The following VAV2 variants were observed in gnomAD, a reference collection of about 807,000 sequenced individuals.
VAV2 encodes guanine nucleotide exchange factor VAV2.
VAV2 carries 67 observed loss-of-function variants against 132.5 expected under a neutral mutation model. The observed-to-expected ratio is 0.51, with a 90% CI of 0.42 to 0.62. VAV2 has a LOEUF of 0.62. VAV2 is among the 20% of genes least tolerant of loss of function. The probability of loss-of-function intolerance (pLI) is 0.00; values close to 1 mark genes in which losing one functional copy is unlikely to be tolerated. For missense variants in VAV2, 938 were observed against 1,153.6 expected (o/e 0.81, Z 2.71); for synonymous variants, 492 against 443.5 (o/e 1.11, Z -1.37).
intron 1 of VAV2, among the ~76,000 whole-genome samples, chr9:133,940,498 G>T (rs2519103): frequency 0.67 from 102,281 of 151,814 alleles, 34,664 homozygotes; most frequent in East Asian, 0.81. Flanking sequence ...GGAGCGGAGG[G>T]TCCCCCAGCC....
chr9:133,815,384 C>G (rs12552000), intron 4 of VAV2, among the ~76,000 whole-genome samples: 1 of 151,856 alleles, frequency 6.6e-6, no homozygotes, highest in African/African-American at 2.4e-5. Context: ...TGACAAGTGG[C>G]TACACCTGTG....
At chr9:133,792,359 ATGTG>A (rs141878473) in intron 12 of VAV2, among the ~76,000 whole-genome samples, 15 of 123,358 alleles carry the variant, frequency 1.2e-4, no homozygotes, top group Non-Finnish European at 2.4e-4. Context: ...GGTGGGGTGC[ATGTG>A]TGTGTGTGTG....
chr9:133,943,643 C>T (rs996137343), intron 1 of VAV2, among the ~76,000 whole-genome samples: 6 of 152,170 alleles, frequency 3.9e-5, no homozygotes, highest in Non-Finnish European at 1.5e-5. Context: ...CCCAGGCTGG[C>T]GGCTATGGGG....
intron 1 of VAV2, among the ~76,000 whole-genome samples, chr9:133,943,214 T>A (rs1841234281): frequency 6.6e-6 from 1 of 152,136 alleles, no homozygotes; most frequent in South Asian, 2.1e-4. Context: ...AGGTCTGTGG[T>A]CGCTCTGGAG....
intron 1 of VAV2, among the ~76,000 whole-genome samples, chr9:133,954,563 TG>T (rs1185427919): frequency 1.1e-4 from 16 of 152,170 alleles, no homozygotes; most frequent in African/African-American, 3.1e-4. Flanking sequence ...CATGGGAGGC[TG>T]GGGGGAGCGG....
intron 27 of VAV2, 101 bp downstream of exon 27, chr9:133,770,277 T>G: frequency 6.4e-7 from 1 of 1,553,450 alleles, no homozygotes; most frequent in South Asian, 1.2e-5. Flanking sequence ...AGGGTGGGAC[T>G]CCTGGTCTGG....
chr9:133,914,810 GA>G (rs60888593), intron 2 of VAV2, among the ~76,000 whole-genome samples: 47 of 129,840 alleles, frequency 3.6e-4, no homozygotes, highest in South Asian at 9.2e-4. Flanking sequence ...GGGGAAGGGA[GA>G]AGGGGAGGGG....
chr9:133,776,687 C>T (rs889560064), intron 23 of VAV2, among the ~76,000 whole-genome samples: 1 of 152,210 alleles, frequency 6.6e-6, no homozygotes, highest in Non-Finnish European at 1.5e-5. Context: ...GCCGCCTGGT[C>T]CCCTTGGTCA....
rs1199771506 is a variant in VAV2 at position 133,885,889 on chromosome 9, C to T, written c.322-24457G>A. Among the ~76,000 whole-genome samples the T allele has an allele frequency of 1.3e-5, 2 of 151,968 alleles. No individual in the cohort carries two copies. The highest frequency in any genetic ancestry group is 1.5e-5 in the Non-Finnish European group (1 of 68,016). On this transcript the variant is annotated intron_variant, in intron 2 of 29. Coordinates refer to ENST00000371850, the MANE Select transcript of VAV2 (RefSeq NM_001134398.2). This position sits in a 1 kb window ranked among gnomAD's most constrained non-coding sequence, Gnocchi z 5.0. ...TTGGTGACAACCAAACTCAGGTGTT[C>T]CTGAGTGTTCCTGAGAACCAGAGTT...
At chr9:133,812,345 C>T in intron 4 of VAV2, 129 bp from the exon 5 acceptor site, 2 of 827,254 alleles carry the variant, frequency 2.4e-6, no homozygotes, top group Non-Finnish European at 3.9e-6. Context: ...GCCCGGGCCT[C>T]AGTCTACAAA....
chr9:133,924,798 C>A (rs1016344309), intron 2 of VAV2, among the ~76,000 whole-genome samples: 1 of 152,162 alleles, frequency 6.6e-6, no homozygotes, highest in Non-Finnish European at 1.5e-5. Flanking sequence ...TTCACAGGAG[C>A]CGAAGGTGAA....
At chr9:133,987,304 A>G (rs1842886110) in intron 1 of VAV2, among the ~76,000 whole-genome samples, 1 of 151,624 alleles carries the variant, frequency 6.6e-6, no homozygotes, top group African/African-American at 2.4e-5. Flanking sequence ...AGAAACCTGG[A>G]ACAGTGGAGG....
intron 2 of VAV2, among the ~76,000 whole-genome samples, chr9:133,872,570 G>A (rs910651370): frequency 5.3e-5 from 8 of 152,226 alleles, no homozygotes; most frequent in African/African-American, 1.7e-4. Flanking sequence ...CCAAAGCCTG[G>A]AGCAGAGGCA....
chr9:133,822,266 G>A (rs1326487118), intron 4 of VAV2, among the ~76,000 whole-genome samples: 1 of 152,204 alleles, frequency 6.6e-6, no homozygotes, highest in Non-Finnish European at 1.5e-5. Flanking sequence ...GCGCCGCACT[G>A]GCCCCGGGCT....
chr9:133,934,733 G>C (rs1276871905), intron 2 of VAV2, among the ~76,000 whole-genome samples: 1 of 152,192 alleles, frequency 6.6e-6, no homozygotes, highest in East Asian at 1.9e-4. Context: ...GCCAAGCCCT[G>C]TCACCCCCGT....
chr9:133,945,557 C>A (rs1054657113), intron 1 of VAV2, among the ~76,000 whole-genome samples: 5 of 152,180 alleles, frequency 3.3e-5, no homozygotes, highest in Admixed American at 1.3e-4. Flanking sequence ...CAGGATGCCC[C>A]CAGCCTCTGG....
At chr9:133,792,111 GTGT>G (rs1834497822) in intron 12 of VAV2, among the ~76,000 whole-genome samples, 1 of 46,752 alleles carries the variant, frequency 2.1e-5, no homozygotes, top group African/African-American at 8.7e-5. Flanking sequence ...GGGCTGTACT[GTGT>G]GGGGTGTGTG....
At position 133,898,112 on chromosome 9, in the gene VAV2, G is replaced by A. The variant is rs571827667; in HGVS notation, c.322-36680C>T. Among the ~76,000 whole-genome samples, 967 of 150,004 alleles carry A rather than the reference G, an allele frequency of 6.4e-3. 21 individuals are homozygous for A. The highest frequency in any genetic ancestry group is 0.022 in the African/African-American group (912 of 40,826). ...CAAGCTCTTCCAACATACTGCATCC[G>A]GGTACCCTGAGGCTGGGAGGGACCT... is the stretch of plus-strand genomic sequence containing the variant. On this transcript the variant is annotated intron_variant, in intron 2 of 29. Transcript: ENST00000371850.
chr9:133,768,377 C>T lies in VAV2; in HGVS notation c.2589+65G>A. On this transcript the variant is annotated intron_variant, in intron 29 of 29. Coordinates refer to ENST00000371850, the MANE Select transcript of VAV2 (RefSeq NM_001134398.2). This position sits in a 1 kb window ranked among gnomAD's most constrained non-coding sequence, Gnocchi z 5.3. ...GGACATAGGTGTGGTGCTAGTCTGC[C>T]TGAGCCCGACCAGGTAGGGGCTGCA... 6.3e-7 allele frequency: 1 copy of T among 1,575,848 alleles called. No homozygotes were observed.
Sources: gnomAD v4.1 joint callset for allele counts (sites outside exome capture counted in the v4.1 genomes callset) on GRCh38, gnomAD v4.1.1 for gene constraint, Gnocchi (gnomAD v3.1) non-coding constraint, MANE v1.5 for transcripts, NCBI Gene and HGNC (gene_info 2026-07-23, HGNC 2026-07-21) for gene names.